Variants in RHAG observed in about 807,000 individuals in gnomAD.
RHAG encodes the protein ammonium transporter Rh type A.
Under a neutral mutation model 42.4 loss-of-function variants are expected in RHAG, and 25 were observed. The observed-to-expected ratio is 0.59, with a 90% CI of 0.43 to 0.82. RHAG has a LOEUF of 0.82. RHAG is among the 40% of genes least tolerant of loss of function. The probability of loss-of-function intolerance (pLI) is 0.00; values close to 1 mark genes in which losing one functional copy is unlikely to be tolerated. For missense variants in RHAG, 483 were observed against 504.6 expected, an observed-to-expected ratio of 0.96 and a Z score of 0.41; for synonymous variants, 182 against 177.7, an observed-to-expected ratio of 1.02 and a Z score of -0.19.
At chr6:49,635,661 G>C (rs957621091) in intron 1 of RHAG, among the ~76,000 whole-genome samples, 3 of 151,858 alleles carry the variant, frequency 2.0e-5, no homozygotes, top group African/African-American at 7.3e-5. Context: ...TCTGTCCTTA[G>C]CTTTCAATTT....
chr6:49,619,795 G>C (rs571394170), intron 1 of RHAG, among the ~76,000 whole-genome samples: 1 of 152,238 alleles, frequency 6.6e-6, no homozygotes, highest in African/African-American at 2.4e-5. Flanking sequence ...TGCTATAATA[G>C]CATTTATTTA....
chr6:49,605,939 G>T (rs1362119337), intron 9 of RHAG, 109 bp from the exon 10 acceptor site: 5 of 915,424 alleles, frequency 5.5e-6, no homozygotes, highest in Admixed American at 1.7e-5. Context: ...AGCTTGGAAA[G>T]AACTGGGAAT....
rs939602289 is a variant in RHAG at position 49,615,553 on chromosome 6, C to T, written c.640+71G>A. ...GATGTTCTTTTTGAGCATCTCACAC[C>T]CTTGTTGAAGTTAACCTTCTCTGGT... On this transcript the variant is annotated intron_variant, in intron 4 of 9. Transcript: ENST00000371175. The T allele has an allele frequency of 2.4e-5, 37 of 1,545,570 alleles. No individual in the cohort carries two copies. In the African/African-American group the frequency reaches 4.6e-4, roughly 19 times the overall value.
intron 5 of RHAG, among the ~76,000 whole-genome samples, chr6:49,612,927 G>A (rs1287872674): frequency 1.3e-5 from 2 of 152,120 alleles, no homozygotes; most frequent in Non-Finnish European, 1.5e-5. Flanking sequence ...TATGGCCACC[G>A]TGTGTTTTGT....
At chr6:49,612,189 A>G (rs1464853534) in intron 6 of RHAG, among the ~76,000 whole-genome samples, 4 of 152,246 alleles carry the variant, frequency 2.6e-5, no homozygotes, top group Admixed American at 2.6e-4. Flanking sequence ...AATAATTGAT[A>G]CTGGATTCTT....
chr6:49,618,744 A>G lies in RHAG; in HGVS notation c.341+435T>C, dbSNP rs140208514. 2.4e-3 allele frequency among the ~76,000 whole-genome samples: 369 copies of G among 152,356 alleles called. 1 individual carries two copies. The highest frequency in any genetic ancestry group is 8.1e-3 in the African/African-American group (338 of 41,590). On this transcript the variant is annotated intron_variant, in intron 2 of 9. Transcript: ENST00000371175. ...AATTTGCCAGCCAGTACAGTAAATG[A>G]CAGGGGACTACCAGAGAAACGATTG...
chr6:49,614,503 A>C (rs927487561), intron 5 of RHAG, among the ~76,000 whole-genome samples, 184 bp downstream of exon 5: 1 of 151,986 alleles, frequency 6.6e-6, no homozygotes, highest in Non-Finnish European at 1.5e-5. Context: ...CGCCCAGCCC[A>C]GGGTACAGAT....
intron 1 of RHAG, among the ~76,000 whole-genome samples, chr6:49,629,870 C>A (rs1213591105): frequency 1.3e-5 from 2 of 152,214 alleles, no homozygotes; most frequent in Non-Finnish European, 2.9e-5. Context: ...CCATGCCCAC[C>A]CAGAACTCCA....
chr6:49,615,676 C>G lies in RHAG; in HGVS notation c.588G>C (p.Lys196Asn), dbSNP rs753933737. 6.2e-7 allele frequency: 1 copy of G among 1,614,116 alleles called. No homozygotes were observed. The highest frequency in any genetic ancestry group is 8.5e-7 in the Non-Finnish European group (1 of 1,180,014). The change falls in exon 4 of 10, where the codon AAG becomes AAC. Residue 196 changes from lysine (K) to asparagine (N), a missense_variant. Physicochemically the swap from Lys to Asn is moderately conservative, Grantham distance 94. Coordinates refer to ENST00000371175, the MANE Select transcript of RHAG (RefSeq NM_000324.3). Reference protein sequence around the residue: ...AGILYRSGLRKGHENEESAYY... With the variant: ...AGILYRSGLRNGHENEESAYY... ...ATGCGGACTCTTCATTTTCATGCCC[C>G]TTTCTCAGTCCAGATCGATACAAGA...
chr6:49,633,078 C>T (rs960465737), intron 1 of RHAG, among the ~76,000 whole-genome samples: 1 of 152,106 alleles, frequency 6.6e-6, no homozygotes, highest in Non-Finnish European at 1.5e-5. Flanking sequence ...TAACCTAATT[C>T]CCTTCTCTAC....
intron 6 of RHAG, among the ~76,000 whole-genome samples, 177 bp downstream of exon 6, chr6:49,612,220 G>A (rs1244218205): frequency 1.3e-5 from 2 of 152,060 alleles, no homozygotes; most frequent in South Asian, 4.1e-4. Flanking sequence ...CAGAAGTCAG[G>A]GCAGAGTAGA....
At chr6:49,607,039 G>T in intron 8 of RHAG, 111 bp downstream of exon 8, 1 of 1,221,754 alleles carries the variant, frequency 8.2e-7, no homozygotes, top group Non-Finnish European at 1.2e-6. Context: ...TTACTTTACT[G>T]CCAGAAGTTT....
intron 1 of RHAG, among the ~76,000 whole-genome samples, chr6:49,636,097 A>G (rs901510130): frequency 2.0e-5 from 3 of 152,152 alleles, no homozygotes; most frequent in African/African-American, 7.2e-5. Context: ...TATGTTAAGT[A>G]TTCACACATT....
intron 1 of RHAG, among the ~76,000 whole-genome samples, chr6:49,620,754 C>A (rs1762743232): frequency 6.6e-6 from 1 of 152,174 alleles, no homozygotes; most frequent in South Asian, 2.1e-4. Flanking sequence ...TGGTCTCAAA[C>A]TCCTGACCTC....
intron 1 of RHAG, among the ~76,000 whole-genome samples, chr6:49,631,603 C>T (rs1479027244): frequency 1.3e-5 from 2 of 152,144 alleles, no homozygotes; most frequent in Admixed American, 6.5e-5. Context: ...AGTCTTTAAG[C>T]ACTTGGGTTA....
chr6:49,627,492 G>A (rs1762860682), intron 1 of RHAG, among the ~76,000 whole-genome samples: 1 of 152,124 alleles, frequency 6.6e-6, no homozygotes, highest in Non-Finnish European at 1.5e-5. Flanking sequence ...GTCTTCCTCT[G>A]AGCCCTCCAA....
At position 49,612,381 on chromosome 6, in the gene RHAG, C is replaced by A; in HGVS notation, c.945+16G>T. 3 of 1,613,738 alleles carry A rather than the reference C, an allele frequency of 1.9e-6. No homozygotes were observed. Among genetic ancestry groups the A allele is most frequent in the South Asian group, 1.1e-5 (1 of 91,072 alleles). ...TGCAGATTCAGAGTTTGACTCAGAA[C>A]ATCTGCTGTACTTACAGTCAGGAAC... On this transcript the variant is annotated intron_variant, in intron 6 of 9. Coordinates refer to ENST00000371175, the MANE Select transcript of RHAG (RefSeq NM_000324.3).
At chr6:49,627,877 G>C (rs979220767) in intron 1 of RHAG, among the ~76,000 whole-genome samples, 9 of 152,012 alleles carry the variant, frequency 5.9e-5, no homozygotes, top group Non-Finnish European at 1.3e-4. Flanking sequence ...CTTCCACTGG[G>C]TCCCTCCCAC....
chr6:49,629,441 G>T (rs1762897779), intron 1 of RHAG, among the ~76,000 whole-genome samples: 1 of 152,222 alleles, frequency 6.6e-6, no homozygotes, highest in Non-Finnish European at 1.5e-5. Flanking sequence ...TAGACATAAA[G>T]CTTCTCCAAG....
Sources: gnomAD v4.1 joint callset for allele counts (sites outside exome capture counted in the v4.1 genomes callset) on GRCh38, gnomAD v4.1.1 for gene constraint, MANE v1.5 for transcripts, NCBI Gene and HGNC (gene_info 2026-07-23, HGNC 2026-07-21) for gene names.